Variants in AFAP1 observed in about 807,000 individuals in gnomAD.
The protein encoded by AFAP1 is actin filament associated protein 1.
In AFAP1, 75 loss-of-function variants were observed where a neutral mutation model predicts 93.9. The observed-to-expected ratio is 0.80, with a 90% CI of 0.66 to 0.97. The LOEUF is 0.97. Among genes scored for constraint, AFAP1 ranks in the 50% least tolerant of loss-of-function variants. AFAP1 has a pLI of 0.00. For synonymous variants in AFAP1, 517 were observed against 430.7 expected, an observed-to-expected ratio of 1.20 and a Z score of -2.48; for missense variants, 1,201 against 1,050.8, an observed-to-expected ratio of 1.14 and a Z score of -1.98.
At chr4:7,859,717 C>G (rs559834796) in intron 3 of AFAP1, among the ~76,000 whole-genome samples, 120 of 152,284 alleles carry the variant, frequency 7.9e-4, no homozygotes, top group African/African-American at 2.8e-3. Flanking sequence ...TTAGAGAAAA[C>G]TAGTACTTAC....
chr4:7,792,471 G>T (rs1717949883), intron 11 of AFAP1, among the ~76,000 whole-genome samples: 1 of 152,170 alleles, frequency 6.6e-6, no homozygotes, highest in South Asian at 2.1e-4. Context: ...AAGCTTAAAT[G>T]TATCATAAGC....
intron 14 of AFAP1, chr4:7,776,814 C>G (rs1716176011): frequency 6.6e-6 from 1 of 152,192 alleles, no homozygotes; most frequent in Non-Finnish European, 1.5e-5. Context: ...AGGGCCAAGT[C>G]CAAACTCTAC....
intron 1 of AFAP1, among the ~76,000 whole-genome samples, chr4:7,904,423 C>T (rs1346168797): frequency 6.6e-6 from 1 of 152,142 alleles, no homozygotes; most frequent in Non-Finnish European, 1.5e-5. Context: ...CAGTGATAGA[C>T]TATGTTTAGC....
chr4:7,873,411 C>T (rs1390037786), intron 1 of AFAP1, among the ~76,000 whole-genome samples: 24 of 116,332 alleles, frequency 2.1e-4, no homozygotes, highest in African/African-American at 8.0e-4. Flanking sequence ...TGCAGTGGCA[C>T]GATCTGGGCT....
chr4:7,933,642 T>C (rs952555020), intron 1 of AFAP1, among the ~76,000 whole-genome samples: 1 of 152,176 alleles, frequency 6.6e-6, no homozygotes, highest in Non-Finnish European at 1.5e-5. Flanking sequence ...CCAGGGGAAT[T>C]GGAGGGCCTG....
intron 1 of AFAP1, among the ~76,000 whole-genome samples, chr4:7,907,274 C>T (rs1486301945): frequency 1.3e-5 from 2 of 152,174 alleles, no homozygotes; most frequent in Admixed American, 6.5e-5. Context: ...TAAACCACTG[C>T]TTCTCCCTGG....
At position 7,778,820 on chromosome 4, in the gene AFAP1, A is replaced by T. The variant is rs144004272; in HGVS notation, c.1839T>A (p.Thr613=). ...ASNGVTGKGK[T]LSSQPKKADP... ...CCGCTTTCTTTGGCTGACTGCTCAG[A>T]GTCTTCCCTTTTCCTGTGACCCCAT... The change falls in exon 14 of 18, where the codon ACT becomes ACA. Residue 613 remains threonine (T), a synonymous_variant. Transcript: ENST00000420658. The T allele has an allele frequency of 3.1e-6, 5 of 1,614,094 alleles. No individual in the cohort carries two copies. The highest frequency in any genetic ancestry group is 2.7e-5 in the African/African-American group (2 of 74,938).
rs150722743 is a variant in AFAP1 at position 7,936,226 on chromosome 4, A to G, written c.-3+3430T>C. Among the ~76,000 whole-genome samples the G allele has an allele frequency of 9.2e-3, 1,405 of 152,360 alleles. 34 individuals carry two copies. The highest frequency in any genetic ancestry group is 0.052 in the Admixed American group (788 of 15,300). On this transcript the variant is annotated intron_variant, in intron 1 of 17. Transcript: ENST00000420658. Reference sequence around the variant, plus strand: ...AGAGAAAATTGTGTCTCCTTTCTACAGAGACACGTGGCTTTAACAAACTCA... The same window carrying G: ...AGAGAAAATTGTGTCTCCTTTCTACGGAGACACGTGGCTTTAACAAACTCA...
chr4:7,934,408 T>C (rs1721265689), intron 1 of AFAP1, among the ~76,000 whole-genome samples: 2 of 152,238 alleles, frequency 1.3e-5, no homozygotes, highest in Admixed American at 6.5e-5. Context: ...TCTCTGCTTC[T>C]AGAACGGTGC....
intron 8 of AFAP1, among the ~76,000 whole-genome samples, chr4:7,811,216 C>A (rs1365492402): frequency 6.6e-6 from 1 of 152,070 alleles, no homozygotes; most frequent in Non-Finnish European, 1.5e-5. Flanking sequence ...AGCGCCCGAC[C>A]CTTTCCCCTT....
intron 11 of AFAP1, among the ~76,000 whole-genome samples, chr4:7,790,586 A>G (rs1010333878): frequency 5.3e-5 from 8 of 152,204 alleles, no homozygotes; most frequent in African/African-American, 1.9e-4. Context: ...AATATAGTGA[A>G]CAACCATAAC....
chr4:7,831,494 C>G (rs1480255979), intron 6 of AFAP1, among the ~76,000 whole-genome samples: 1 of 152,038 alleles, frequency 6.6e-6, no homozygotes, highest in East Asian at 1.9e-4. Flanking sequence ...TAGCTCCCAT[C>G]TGGTGAAACA....
chr4:7,889,553 A>G (rs1038436752), intron 1 of AFAP1, among the ~76,000 whole-genome samples: 1 of 147,746 alleles, frequency 6.8e-6, no homozygotes, highest in Non-Finnish European at 1.5e-5. Context: ...AAAAAAAAAA[A>G]AAAAAGAAAA....
intron 16 of AFAP1, among the ~76,000 whole-genome samples, chr4:7,769,887 T>A (rs1448026995): frequency 6.6e-6 from 1 of 152,204 alleles, no homozygotes; most frequent in Non-Finnish European, 1.5e-5. Flanking sequence ...TGGCAGCCCC[T>A]GGCTGCCGGG....
intron 10 of AFAP1, among the ~76,000 whole-genome samples, chr4:7,799,342 G>A (rs1577223805): frequency 6.7e-6 from 1 of 148,504 alleles, no homozygotes; most frequent in Non-Finnish European, 1.5e-5. Context: ...AAAAAAAAAA[G>A]CAGCCTCTAT....
intron 1 of AFAP1, among the ~76,000 whole-genome samples, chr4:7,904,500 C>T (rs1230754548): frequency 2.0e-5 from 3 of 152,230 alleles, no homozygotes; most frequent in Middle Eastern, 3.4e-3. Flanking sequence ...TGTGCACTCA[C>T]GAGGTGCCAG....
At chr4:7,775,418 A>T (rs1715994789) in intron 14 of AFAP1, 1 of 152,784 alleles carries the variant, frequency 6.5e-6, no homozygotes, top group Non-Finnish European at 1.5e-5. Context: ...GAGAATGAAC[A>T]TTCTATAATC....
chr4:7,896,817 G>A (rs1408661026), intron 1 of AFAP1, among the ~76,000 whole-genome samples: 1 of 137,496 alleles, frequency 7.3e-6, no homozygotes, highest in African/African-American at 2.8e-5. Context: ...CCAGGGCTCA[G>A]TCCTCACTTC....
intron 4 of AFAP1, among the ~76,000 whole-genome samples, chr4:7,847,319 T>C (rs1419372506): frequency 2.0e-5 from 3 of 151,734 alleles, no homozygotes; most frequent in East Asian, 1.9e-4. Flanking sequence ...TGCTTAGTGA[T>C]GGTCCAATCA....
Sources: gnomAD v4.1 joint callset for allele counts (sites outside exome capture counted in the v4.1 genomes callset) on GRCh38, gnomAD v4.1.1 for gene constraint, MANE v1.5 for transcripts, NCBI Gene and HGNC (gene_info 2026-07-23, HGNC 2026-07-21) for gene names.